The following EFCAB3 variants were observed in gnomAD, a reference collection of about 807,000 sequenced individuals.
The protein encoded by EFCAB3 is EF-hand calcium binding domain 3.
A neutral mutation model predicts 42.2 loss-of-function variants in EFCAB3; 36 were observed. The ratio of observed to expected loss-of-function variants is 0.85; its 90% CI spans 0.65 to 1.13. The LOEUF (loss-of-function observed/expected upper bound fraction) is 1.13, where lower values mean the gene tolerates loss of function less well. Ranked by LOEUF, EFCAB3 falls within the 50% of genes most tolerant of loss-of-function variation. The pLI is 0.00. For missense variants in EFCAB3, 418 were observed against 505.1 expected, an observed-to-expected ratio of 0.83 and a Z score of 1.65; for synonymous variants, 170 against 172.8, an observed-to-expected ratio of 0.98 and a Z score of 0.13.
upstream of EFCAB3, among the ~76,000 whole-genome samples, chr17:62,375,843 C>CT (rs2070145925): frequency 6.6e-6 from 1 of 152,150 alleles, no homozygotes; most frequent in Non-Finnish European, 1.5e-5. Context: ...TCCACTTCTT[C>CT]TTTTTTCCTC....
intron 8 of EFCAB3, among the ~76,000 whole-genome samples, chr17:62,411,856 AGAAGGAAGGAAGGAAGGAAGGAAG>A (rs1179394697): frequency 7.1e-5 from 4 of 56,196 alleles, no homozygotes; most frequent in South Asian, 1.3e-3. Context: ...AAGGAAGGAA[AGAAGGAAGGAAGGAAGGAAGGAAG>A]GAAGGAAGGA....
intron 2 of EFCAB3, among the ~76,000 whole-genome samples, chr17:62,387,057 G>C (rs1448126097): frequency 1.3e-5 from 2 of 152,134 alleles, no homozygotes; most frequent in African/African-American, 4.8e-5. Flanking sequence ...CTCCCAAAGG[G>C]GTAGGAGTAC....
rs777935629 is a variant in EFCAB3 at position 62,406,620 on chromosome 17, G to A, written c.629G>A (p.Arg210Gln). Reference protein sequence around the residue: ...SSMAAFANAARIAIMKEKDLF... With the variant: ...SSMAAFANAAQIAIMKEKDLF... ...ATGGCTGCCTTTGCTAATGCTGCCCGGATTGCAATAATGAAAGAAAAGGAT... is the reference window on the plus strand; with the variant it reads ...ATGGCTGCCTTTGCTAATGCTGCCCAGATTGCAATAATGAAAGAAAAGGAT... Residue 210 changes from arginine (R) to glutamine (Q), a missense_variant, in exon 7 of 10, where the codon CGG (arginine) becomes CAG (glutamine). Coordinates refer to ENST00000305286, the MANE Select transcript of EFCAB3 (RefSeq NM_173503.4). 1.8e-5 allele frequency: 29 copies of A among 1,613,828 alleles called. No individual in the cohort carries two copies. The highest frequency in any genetic ancestry group is 1.6e-4 in the Middle Eastern group (1 of 6,082).
chr17:62,402,926 T>C (rs2070416528), intron 6 of EFCAB3, among the ~76,000 whole-genome samples: 2 of 152,194 alleles, frequency 1.3e-5, no homozygotes, highest in South Asian at 2.1e-4. Flanking sequence ...TCCTGGACTT[T>C]TTTTGGTTGG....
intron 8 of EFCAB3, among the ~76,000 whole-genome samples, chr17:62,410,428 C>A (rs2070484942): frequency 6.6e-6 from 1 of 151,996 alleles, no homozygotes. Flanking sequence ...CACTACTTGA[C>A]CCCACACATA....
At chr17:62,376,719 G>A (rs1436598678), upstream of EFCAB3, among the ~76,000 whole-genome samples, 1 of 152,008 alleles carries the variant, frequency 6.6e-6, no homozygotes, top group Non-Finnish European at 1.5e-5. Context: ...GTGATAACGT[G>A]GAAATAACAT....
upstream of EFCAB3, among the ~76,000 whole-genome samples, chr17:62,379,825 T>C (rs2070181140): frequency 6.6e-6 from 1 of 152,192 alleles, no homozygotes; most frequent in Admixed American, 6.5e-5. Context: ...AAAACAATCT[T>C]TTCTGTAATT....
rs78388447 is a variant in EFCAB3, at chr17:62,416,025, A to G, written c.1013A>G (p.Tyr338Cys). 0.082 allele frequency: 131,542 copies of G among 1,613,064 alleles called. 6,721 individuals carry two copies. The highest frequency in any genetic ancestry group is 0.23 in the South Asian group (20,534 of 90,968). Residue 338 changes from tyrosine (Y) to cysteine (C), a missense_variant, in exon 10 of 10, where the codon TAT becomes TGT. Coordinates refer to ENST00000305286, the MANE Select transcript of EFCAB3 (RefSeq NM_173503.4). ...KQHVKRATDT[Y>C]NLGIALEHRK... ...CAGGTGAAGAGAGCTACTGATACCT[A>G]TAATTTAGGAATTGCCCTTGAACAC...
At chr17:62,404,477 G>A (rs374821676) in intron 6 of EFCAB3, among the ~76,000 whole-genome samples, 2 of 151,932 alleles carry the variant, frequency 1.3e-5, no homozygotes, top group Admixed American at 6.6e-5. Context: ...CTGGGAGACC[G>A]TGAGACTCTG....
chr17:62,383,166 T>A, intron 2 of EFCAB3, 113 bp downstream of exon 2: 2 of 953,732 alleles, frequency 2.1e-6, no homozygotes, highest in Non-Finnish European at 3.1e-6. Context: ...GGGAAGCCCC[T>A]AAAAAAAAGA....
rs994335119 is a variant in EFCAB3 at position 62,385,949 on chromosome 17, G to A, written c.75-1391G>A. Among the ~76,000 whole-genome samples, 143 of 150,290 alleles carry A rather than the reference G, an allele frequency of 9.5e-4. 1 individual carries two copies. Among genetic ancestry groups the A allele is most frequent in the African/African-American group, 3.4e-3 (137 of 40,838 alleles). On this transcript the variant is annotated intron_variant, in intron 2 of 9. Transcript: ENST00000305286. ...TCACCATGTTAGCCAGGATGGTCTCGATCTCCTGACCTCGTGATCCACCCG... is the reference window on the plus strand; with the variant it reads ...TCACCATGTTAGCCAGGATGGTCTCAATCTCCTGACCTCGTGATCCACCCG...
At chr17:62,398,595 G>C (rs569798194) in intron 6 of EFCAB3, among the ~76,000 whole-genome samples, 1 of 151,908 alleles carries the variant, frequency 6.6e-6, no homozygotes, top group Non-Finnish European at 1.5e-5. Flanking sequence ...CTTGAGCCTG[G>C]GGGTCAAGGC....
chr17:62,370,339 A>T, intron 1 of EFCAB3: 1 of 1,551,414 alleles, frequency 6.4e-7, no homozygotes, highest in Non-Finnish European at 8.7e-7. Flanking sequence ...TGTATGTTTT[A>T]TAATTATGTT....
At chr17:62,373,756 A>T in intron 1 of EFCAB3, 3 of 994,902 alleles carry the variant, frequency 3.0e-6, no homozygotes, top group Non-Finnish European at 4.6e-6. Context: ...TAATAATTTC[A>T]CAACTGTTAT....
chr17:62,373,068 A>G (rs6504102), intron 1 of EFCAB3, among the ~76,000 whole-genome samples: 1,743 of 151,428 alleles, frequency 0.012, 39 homozygotes, highest in African/African-American at 0.04. Context: ...ATTGCTTGAG[A>G]CCAGGAGTTC....
Position 62,416,197 on chromosome 17 carries a change from G to C in EFCAB3, c.1185G>C (p.Arg395Ser). 1 of 1,613,866 alleles carries C rather than the reference G, an allele frequency of 6.2e-7. No individual in the cohort carries two copies. Among genetic ancestry groups the C allele is most frequent in the Non-Finnish European group, 8.5e-7 (1 of 1,179,802 alleles). Residue 395 changes from arginine (R) to serine (S), a missense_variant, in exon 10 of 10, where the codon AGG becomes AGC. Physicochemically the swap from Arg to Ser is moderately radical, Grantham distance 110. Transcript: ENST00000305286. ...CQELLSPKDL[R>S]LYDAYVNRNS... is the part of the protein sequence containing the mutation. Reference sequence around the variant, plus strand: ...AATTACTTTCTCCTAAGGACTTAAGGTTATATGATGCCTATGTGAATAGAA... The same window carrying C: ...AATTACTTTCTCCTAAGGACTTAAGCTTATATGATGCCTATGTGAATAGAA...
upstream of EFCAB3, among the ~76,000 whole-genome samples, chr17:62,379,986 C>T (rs929012918): frequency 4.6e-5 from 7 of 152,156 alleles, no homozygotes; most frequent in African/African-American, 1.7e-4. Flanking sequence ...GAACAACTTT[C>T]AACTGACTGA....
chr17:62,395,273 C>A, intron 6 of EFCAB3, 85 bp downstream of exon 6: 1 of 1,529,616 alleles, frequency 6.5e-7, no homozygotes, highest in Non-Finnish European at 8.9e-7. Context: ...CACTAACATC[C>A]AACTCCACAG....
Position 62,398,743 on chromosome 17 carries a change from A to G in EFCAB3, c.488+3555A>G, listed in dbSNP as rs187979945. 3.5e-3 allele frequency among the ~76,000 whole-genome samples: 527 copies of G among 152,240 alleles called. 1 individual carries two copies. Among genetic ancestry groups the G allele is most frequent in the Middle Eastern group, 0.01 (3 of 294 alleles). On this transcript the variant is annotated intron_variant, in intron 6 of 9. Transcript: ENST00000305286. Reference sequence around the variant, plus strand: ...CACACATATATATATGTATAAATGGAGAGAGAAGTCAGAAATATGTGGATA... The same window carrying G: ...CACACATATATATATGTATAAATGGGGAGAGAAGTCAGAAATATGTGGATA...
Sources: gnomAD v4.1 joint callset for allele counts (sites outside exome capture counted in the v4.1 genomes callset) on GRCh38, gnomAD v4.1.1 for gene constraint, MANE v1.5 for transcripts, NCBI Gene and HGNC (gene_info 2026-07-23, HGNC 2026-07-21) for gene names.